NUDT21: variants seen among roughly 807,000 people sequenced by gnomAD.
NUDT21 encodes the protein nudix hydrolase 21.
In NUDT21, 5 loss-of-function variants were observed where a neutral mutation model predicts 29.8. That is an observed-to-expected ratio of 0.17 (90% CI 0.09 to 0.35). The LOEUF is 0.35. NUDT21 is among the 10% of genes least tolerant of loss of function. The probability of loss-of-function intolerance (pLI) is 1.00; values close to 1 mark genes in which losing one functional copy is unlikely to be tolerated. For missense variants in NUDT21, 76 were observed against 276.0 expected (o/e 0.28, Z 5.13); for synonymous variants, 113 against 98.5 (o/e 1.15, Z -0.87).
At chr16:56,443,363 A>G (rs760153587) in intron 3 of NUDT21, among the ~76,000 whole-genome samples, 10 of 151,990 alleles carry the variant, frequency 6.6e-5, no homozygotes, top group Non-Finnish European at 1.5e-5. Flanking sequence ...GTTTGTAGAG[A>G]CGGGGTTTCA....
intron 3 of NUDT21, among the ~76,000 whole-genome samples, chr16:56,446,295 G>A (rs1348380223): frequency 6.6e-6 from 1 of 152,150 alleles, no homozygotes. Flanking sequence ...ATAACAAGAA[G>A]TAATTTAAAC....
chr16:56,444,408 A>G (rs1962193465), intron 3 of NUDT21, among the ~76,000 whole-genome samples: 1 of 151,988 alleles, frequency 6.6e-6, no homozygotes, highest in Admixed American at 6.5e-5. Flanking sequence ...ACACGGTGAA[A>G]CCCCATCTCT....
chr16:56,448,503 A>G (rs1005638061), intron 1 of NUDT21, among the ~76,000 whole-genome samples: 2 of 152,142 alleles, frequency 1.3e-5, no homozygotes, highest in Non-Finnish European at 2.9e-5. Flanking sequence ...CTTGCACCAC[A>G]GCCTTTCCTT....
In NUDT21 at chr16:56,446,637, A is replaced by G; in HGVS notation, c.370T>C (p.Leu124=). Residue 124 remains leucine, a synonymous_variant, in exon 3 of 7, where the codon TTA becomes CTA. Coordinates refer to ENST00000300291, the MANE Select transcript of NUDT21 (RefSeq NM_007006.3). ...AAACAGAAAAATACCTCTGTCATTA[A>G]GCGTTTTAGTCCTTCAACTTCATCT... The part of the protein sequence containing the change: ...GEDEVEGLKR[L]MTEILGRQDG... 1 of 1,601,796 alleles carries G rather than the reference A, an allele frequency of 6.2e-7. No individual in the cohort carries two copies. The highest frequency in any genetic ancestry group is 8.5e-7 in the Non-Finnish European group (1 of 1,171,460).
rs181123215 is a variant in NUDT21, at chr16:56,433,182, G to A, written c.663-449C>T. On this transcript the variant is annotated intron_variant, in intron 6 of 6. Transcript: ENST00000300291. ...CAAAAGATAAGGTTTGATTAGTGAC[G>A]AAGTAGAAAGAGCAATTTCATACTC... Among the ~76,000 whole-genome samples, 5 of 152,276 alleles carry A rather than the reference G, an allele frequency of 3.3e-5. No homozygotes were observed. In the East Asian group the frequency reaches 5.8e-4, roughly 18 times the overall value.
At chr16:56,442,528 T>C (rs1471117173) in intron 3 of NUDT21, among the ~76,000 whole-genome samples, 4 of 152,210 alleles carry the variant, frequency 2.6e-5, no homozygotes, top group Non-Finnish European at 5.9e-5. Context: ...TGCTTACCAA[T>C]CCTCCACCTC....
In NUDT21 at chr16:56,434,444, G is replaced by A. The variant is rs753462099; in HGVS notation, c.549C>T (p.Ala183=). 1.3e-6 allele frequency: 2 copies of A among 1,570,834 alleles called. No homozygotes were observed. Among genetic ancestry groups the A allele is most frequent in the South Asian group, 1.1e-5 (1 of 89,658 alleles). Residue 183 remains alanine, a splice_region_variant and synonymous_variant, in exon 6 of 7, where the codon GCC becomes GCT. Transcript: ENST00000300291. Reference sequence around the variant, plus strand: ...TGTAATTTTTAGGGACTGCAAACAAGGCTAAAATAAAACAGAATTCATTAT... The same window carrying A: ...TGTAATTTTTAGGGACTGCAAACAAAGCTAAAATAAAACAGAATTCATTAT... ...KLFLVQLQEK[A]LFAVPKNYKL...
chr16:56,446,737 G>A, intron 2 of NUDT21, 48 bp from the exon 3 acceptor site: 1 of 1,147,550 alleles, frequency 8.7e-7, no homozygotes, highest in African/African-American at 1.6e-5. Flanking sequence ...ACAATTTGGA[G>A]ATAACAAATA....
At position 56,430,559 on chromosome 16, in the gene NUDT21, C is replaced by G. The variant is rs1962022625; in HGVS notation, c.*2153G>C. 6.6e-6 allele frequency: 1 copy of G among 152,058 alleles called. No individual in the cohort carries two copies. Among genetic ancestry groups the G allele is most frequent in the Non-Finnish European group, 1.5e-5 (1 of 68,002 alleles). The allele number at this position is 152,058 out of a possible 1,614,324, so 9.4% of individuals were successfully genotyped here. ...ATTTAGTATGTAGATCTGGAATGCA[C>G]AGTTTCTGGAAGTATTAGAACTTAG... is the stretch of plus-strand genomic sequence containing the variant. On this transcript the variant is annotated 3_prime_UTR_variant, in exon 7 of 7. Transcript: ENST00000300291.
chr16:56,440,537 G>C lies in NUDT21; in HGVS notation c.382-791C>G, dbSNP rs1255079563. On this transcript the variant is annotated intron_variant, in intron 3 of 6. Coordinates refer to ENST00000300291, the MANE Select transcript of NUDT21 (RefSeq NM_007006.3). ...TTCCTTGTGTTTGATGATCTTGATA[G>C]CTTTGAGGAATACTGGTCAAGTATT... Among the ~76,000 whole-genome samples the C allele has an allele frequency of 4.6e-5, 7 of 152,008 alleles. 1 individual carries two copies. Among genetic ancestry groups the C allele is most frequent in the African/African-American group, 1.7e-4 (7 of 41,302 alleles).
At chr16:56,446,424 G>A (rs1962221465) in intron 3 of NUDT21, 2 of 492,110 alleles carry the variant, frequency 4.1e-6, no homozygotes, top group Non-Finnish European at 7.2e-6. Flanking sequence ...TACCATTGCT[G>A]TGACACAGTT....
At chr16:56,451,035 T>C in intron 1 of NUDT21, 52 bp downstream of exon 1, 7 of 1,490,678 alleles carry the variant, frequency 4.7e-6, no homozygotes, top group Non-Finnish European at 6.5e-6. Flanking sequence ...CGTCGGAGAG[T>C]CTATAGGAGC....
At chr16:56,450,770 TAAAA>T (rs1315639449) in intron 1 of NUDT21, among the ~76,000 whole-genome samples, 1 of 152,154 alleles carries the variant, frequency 6.6e-6, no homozygotes, top group Admixed American at 6.5e-5. Flanking sequence ...CTGGAAGGAT[TAAAA>T]AAACACACAT....
At chr16:56,450,731 G>A (rs1962293592) in intron 1 of NUDT21, among the ~76,000 whole-genome samples, 1 of 152,176 alleles carries the variant, frequency 6.6e-6, no homozygotes, top group Admixed American at 6.5e-5. Context: ...GCAATACCAT[G>A]TACGTGATGC....
chr16:56,444,300 G>A (rs973555982), intron 3 of NUDT21, among the ~76,000 whole-genome samples: 1 of 151,762 alleles, frequency 6.6e-6, no homozygotes. Context: ...AAATAAGTAA[G>A]CCTAGACTGA....
intron 3 of NUDT21, among the ~76,000 whole-genome samples, chr16:56,443,990 G>T (rs1176181232): frequency 2.0e-5 from 3 of 152,162 alleles, no homozygotes. Context: ...CCTCAGCCTG[G>T]GATATATAAA....
Position 56,446,683 on chromosome 16 carries a change from A to G in NUDT21, c.324T>C (p.Gly108=). The change falls in exon 3 of 7, where the codon GGT becomes GGC. Residue 108 remains glycine, a synonymous_variant. Coordinates refer to ENST00000300291, the MANE Select transcript of NUDT21 (RefSeq NM_007006.3). ...CATCTTCTCCTGGGTTAAGTTCACC[A>G]CCAGGTCTGTATAAAAGTTAAGAAT... ...QLGTTFFKLP[G]GELNPGEDEV... is the part of the protein sequence containing the mutation. 6.3e-7 allele frequency: 1 copy of G among 1,595,502 alleles called. No homozygotes were observed. Among genetic ancestry groups the G allele is most frequent in the East Asian group, 2.3e-5 (1 of 44,356 alleles).
chr16:56,432,834 T>C (rs1277834042), intron 6 of NUDT21, 101 bp from the exon 7 acceptor site: 3 of 835,316 alleles, frequency 3.6e-6, no homozygotes, highest in African/African-American at 3.5e-5. Flanking sequence ...TCCCTTAGCA[T>C]GTCTGGCATT....
Position 56,443,464 on chromosome 16 carries a change from G to A in NUDT21, c.381+3162C>T, listed in dbSNP as rs542713815. Among the ~76,000 whole-genome samples the A allele has an allele frequency of 5.9e-5, 9 of 152,224 alleles. No homozygotes were observed. In the South Asian group the frequency reaches 1.9e-3, roughly 32 times the overall value. On this transcript the variant is annotated intron_variant, in intron 3 of 6. Transcript: ENST00000300291. ...GCTGGGATTACAGGTGTGAGCCACC[G>A]CGCCTGGCCCAGGACTACATTATTT...
Sources: allele counts gnomAD v4.1 joint callset (sites outside exome capture counted in the v4.1 genomes callset), GRCh38; gene constraint gnomAD v4.1.1; transcripts MANE v1.5; gene names NCBI Gene and HGNC (gene_info 2026-07-23, HGNC 2026-07-21).